The following FAM110C variants were observed in gnomAD, a reference collection of about 807,000 sequenced individuals.
FAM110C encodes protein FAM110C.
Under a neutral mutation model 15.7 loss-of-function variants are expected in FAM110C, and 19 were observed. The ratio of observed to expected loss-of-function variants is 1.21; its 90% CI spans 0.85 to 1.78. The LOEUF (loss-of-function observed/expected upper bound fraction) is 1.78. FAM110C is among the 40% of genes most tolerant of loss of function. The pLI, the probability that FAM110C is intolerant of heterozygous loss-of-function variation, is 0.00. For synonymous variants in FAM110C, 275 were observed against 233.9 expected (o/e 1.18, Z -1.61); for missense variants, 547 against 495.7 (o/e 1.10, Z -0.98).
In FAM110C at chr2:46,307, C is replaced by T. The variant is rs1199907164; in HGVS notation, c.79G>A (p.Asp27Asn). 6.8e-6 allele frequency: 9 copies of T among 1,328,484 alleles called. No individual in the cohort carries two copies. In the African/African-American group the frequency reaches 1.2e-4, roughly 18 times the overall value. 82.3% of individuals were successfully genotyped at this position (1,328,484 alleles called of 1,614,324 possible). Reference sequence around the variant, plus strand: ...CTCCTGCGCGCCGGCCGCGCGGCGTCGGGGTCCCGGGTAGCCGCGGGGTCC... The same window carrying T: ...CTCCTGCGCGCCGGCCGCGCGGCGTTGGGGTCCCGGGTAGCCGCGGGGTCC... ...PRDPAATRDPDAARPARRSAV... is the reference protein window; with the variant it reads ...PRDPAATRDPNAARPARRSAV... Residue 27 changes from aspartate (D) to asparagine (N), a missense_variant, in exon 1 of 2, where the codon GAC (aspartate) becomes AAC (asparagine). Asp to Asn is a conservative substitution (Grantham distance 23). Transcript: ENST00000327669.
chr2:42,324 A>AT (rs1664148582), intron 1 of FAM110C: 1 of 985,378 alleles, frequency 1.0e-6, no homozygotes, highest in Non-Finnish European at 1.2e-6. Context: ...TTGTCCGAAC[A>AT]TTTTTGCCTT....
Position 46,044 on chromosome 2 carries a change from G to T in FAM110C, c.342C>A (p.Gly114=). 6.6e-7 allele frequency: 1 copy of T among 1,516,596 alleles called. No homozygotes were observed. Among genetic ancestry groups the T allele is most frequent in the Non-Finnish European group, 8.8e-7 (1 of 1,138,428 alleles). 93.9% of individuals were successfully genotyped at this position (1,516,596 alleles called of 1,614,324 possible). Residue 114 remains glycine, a synonymous_variant, in exon 1 of 2, where the codon GGC becomes GGA. Coordinates refer to ENST00000327669, the MANE Select transcript of FAM110C (RefSeq NM_001077710.3). The part of the protein sequence containing the change: ...RQKCEFVRGS[G]ADGPRASLVK... ...CCAGGCTTGCCCTGGGGCCGTCGGC[G>T]CCCGATCCTCGCACGAATTCGCATT...
Position 45,720 on chromosome 2 carries a change from G to A in FAM110C, c.666C>T (p.Cys222=), listed in dbSNP as rs1265612845. 4 of 1,600,610 alleles carry A rather than the reference G, an allele frequency of 2.5e-6. No individual in the cohort carries two copies. Among genetic ancestry groups the A allele is most frequent in the African/African-American group, 1.3e-5 (1 of 74,752 alleles). The change falls in exon 1 of 2, where the codon TGC becomes TGT. Residue 222 remains cysteine (C), a synonymous_variant. Coordinates refer to ENST00000327669, the MANE Select transcript of FAM110C (RefSeq NM_001077710.3). ...LAESDTFFQY[C]GLDPEVVEAL... The stretch of plus-strand genomic sequence containing the variant: ...CCTCCACCACCTCGGGGTCCAGGCC[G>A]CAGTACTGGAAGAAGGTGTCAGACT...
In FAM110C at chr2:40,706, A is replaced by G. The variant is rs1197097854; in HGVS notation, c.*902T>C. On this transcript the variant is annotated 3_prime_UTR_variant, in exon 2 of 2. Coordinates refer to ENST00000327669, the MANE Select transcript of FAM110C (RefSeq NM_001077710.3). ...GGGCAGGGAAGAGGTCCTGCCTCAG[A>G]TGCCCGTGTTCTGTGTAAACCAAAG... 6.6e-6 allele frequency: 1 copy of G among 152,224 alleles called. No individual in the cohort carries two copies. The highest frequency in any genetic ancestry group is 6.5e-5 in the Admixed American group (1 of 15,274). 9.4% of individuals were successfully genotyped at this position (152,224 alleles called of 1,614,324 possible).
Position 46,484 on chromosome 2 carries a change from G to GTTCCCCACCC in FAM110C, c.-100_-99insGGGTGGGGAA. 7.1e-6 allele frequency: 7 copies of GTTCCCCACCC among 991,146 alleles called. No homozygotes were observed. The highest frequency in any genetic ancestry group is 9.1e-6 in the Non-Finnish European group (7 of 765,128). 61.4% of individuals were successfully genotyped at this position (991,146 alleles called of 1,614,324 possible). ...CAGGGCCGGTTCCGAAGTCCGCGCC[G>GTTCCCCACCC]GGTGGGGAACGGCGCCCCAGTGCCC... is the stretch of plus-strand genomic sequence containing the variant. On this transcript the variant is annotated 5_prime_UTR_variant, in exon 1 of 2. Coordinates refer to ENST00000327669, the MANE Select transcript of FAM110C (RefSeq NM_001077710.3).
chr2:44,975 C>T (rs2103272111), intron 1 of FAM110C: 1 of 985,332 alleles, frequency 1.0e-6, no homozygotes, highest in Non-Finnish European at 1.2e-6. Context: ...CAGCGCCTAC[C>T]TAGGGCTGCA....
At chr2:43,330 A>G (rs1182695618) in intron 1 of FAM110C, 18 of 985,412 alleles carry the variant, frequency 1.8e-5, no homozygotes, top group Non-Finnish European at 2.2e-5. Context: ...TTCTCAGAAG[A>G]CAGTTGCCAT....
chr2:43,238 G>A, intron 1 of FAM110C: 1 of 985,434 alleles, frequency 1.0e-6, no homozygotes, highest in Non-Finnish European at 1.2e-6. Flanking sequence ...AATCTTTATA[G>A]TGCTGGTGAC....
rs4241318 is a variant in FAM110C at position 45,895 on chromosome 2, A to G, written c.491T>C (p.Ile164Thr). Residue 164 changes from isoleucine to threonine, a missense_variant, in exon 1 of 2, where the codon ATC becomes ACC. Ile to Thr is a moderately conservative substitution (Grantham distance 89, BLOSUM62 -1). Coordinates refer to ENST00000327669, the MANE Select transcript of FAM110C (RefSeq NM_001077710.3). ...CGCGGCTGGGGCTGGGGTCTCGGGG[A>G]TTGCGGGGTCCGCCGCGGGGCCAGG... is the stretch of plus-strand genomic sequence containing the variant. ...TTPGPAADPAIPETPAPAARS... is the reference protein window; with the variant it reads ...TTPGPAADPATPETPAPAARS... 1,413,396 of 1,419,734 alleles carry G rather than the reference A, an allele frequency of 1. 703,549 individuals are homozygous for G. Among genetic ancestry groups the G allele is most frequent in the East Asian group, 1 (35,782 of 35,782 alleles). The allele number at this position is 1,419,734 out of a possible 1,614,324, so 87.9% of individuals were successfully genotyped here. A position where few individuals can be genotyped will look rare whatever the true frequency, so the allele number is the denominator to read the frequency against.
chr2:46,133 C>T lies in FAM110C; in HGVS notation c.253G>A (p.Val85Met). The T allele has an allele frequency of 1.5e-5, 21 of 1,439,078 alleles. No individual in the cohort carries two copies. The highest frequency in any genetic ancestry group is 1.9e-5 in the Non-Finnish European group (21 of 1,102,708). 89.1% of individuals were successfully genotyped at this position (1,439,078 alleles called of 1,614,324 possible). A position where few individuals can be genotyped will look rare whatever the true frequency, so the allele number is the denominator to read the frequency against. The part of the protein sequence containing the change: ...PGPPARAPAP[V>M]ARRAIARKPL... Reference sequence around the variant, plus strand: ...TTCCGCGCAATAGCCCTGCGCGCCACCGGGGCCGGGGCGCGGGCCGGGGGC... The same window carrying T: ...TTCCGCGCAATAGCCCTGCGCGCCATCGGGGCCGGGGCGCGGGCCGGGGGC... The change falls in exon 1 of 2, where the codon GTG (valine) becomes ATG (methionine). Residue 85 changes from valine to methionine, a missense_variant. Val to Met is a conservative substitution (Grantham distance 21, BLOSUM62 1). Transcript: ENST00000327669.
In FAM110C at chr2:45,910, G is replaced by T. The variant is rs1258293180; in HGVS notation, c.476C>A (p.Ala159Glu). The T allele has an allele frequency of 4.2e-6, 6 of 1,419,888 alleles. No individual in the cohort carries two copies. Among genetic ancestry groups the T allele is most frequent in the Non-Finnish European group, 5.4e-6 (6 of 1,101,690 alleles). 88.0% of individuals were successfully genotyped at this position (1,419,888 alleles called of 1,614,324 possible). A position where few individuals can be genotyped will look rare whatever the true frequency, so the allele number is the denominator to read the frequency against. The stretch of plus-strand genomic sequence containing the variant: ...GGTCTCGGGGATTGCGGGGTCCGCC[G>T]CGGGGCCAGGAGTGGTCGGGACCGT... ...PETVPTTPGP[A>E]ADPAIPETPA... is the part of the protein sequence containing the mutation. Residue 159 changes from alanine (A) to glutamate (E), a missense_variant, in exon 1 of 2, where the codon GCG (alanine) becomes GAG (glutamate). Transcript: ENST00000327669.
intron 1 of FAM110C, chr2:42,895 T>C: frequency 2.0e-6 from 2 of 985,464 alleles, no homozygotes; most frequent in Non-Finnish European, 2.4e-6. Flanking sequence ...CAGCTTAAAT[T>C]CCTGCTTCCA....
chr2:45,554 C>T lies in FAM110C; in HGVS notation c.832G>A (p.Glu278Lys). The change falls in exon 1 of 2, where the codon GAG becomes AAG. Residue 278 changes from glutamate to lysine, a missense_variant. By Grantham distance (56) the Glu-to-Lys change is moderately conservative. Transcript: ENST00000327669. ...DEGLQEEELI[E>K]QVPSTTSVIE... is the part of the protein sequence containing the mutation. ...ACCGAAGTGGTGCTGGGCACCTGCT[C>T]TATCAGCTCCTCCTCCTGCAGCCCC... The T allele has an allele frequency of 1.9e-6, 3 of 1,613,996 alleles. No individual in the cohort carries two copies. Among genetic ancestry groups the T allele is most frequent in the Non-Finnish European group, 1.7e-6 (2 of 1,180,010 alleles).
intron 1 of FAM110C, chr2:42,740 A>T: frequency 1.4e-6 from 1 of 700,348 alleles, no homozygotes; most frequent in African/African-American, 1.9e-5. Flanking sequence ...ATAAGTTGTA[A>T]ATCTCTATCT....
chr2:43,202 G>A (rs1047152167), intron 1 of FAM110C: 4 of 985,366 alleles, frequency 4.1e-6, no homozygotes, highest in Admixed American at 6.1e-5. Context: ...GCTGTTTTGG[G>A]TCTAGGGAAG....
At chr2:43,641 G>C in intron 1 of FAM110C, 1 of 985,292 alleles carries the variant, frequency 1.0e-6, no homozygotes, top group Non-Finnish European at 1.2e-6. Flanking sequence ...AACCAGCCTG[G>C]GTCTGGAGGG....
rs1475473554 is a variant in FAM110C at position 45,629 on chromosome 2, C to T, written c.757G>A (p.Val253Ile). The T allele has an allele frequency of 6.2e-7, 1 of 1,612,932 alleles. No individual in the cohort carries two copies. Among genetic ancestry groups the T allele is most frequent in the Non-Finnish European group, 8.5e-7 (1 of 1,179,718 alleles). Reference sequence around the variant, plus strand: ...GAGAAGCCGCTGCCGGAGGTGGCGACGCTCACGCTGCGCACCTTGAGGGTC... The same window carrying T: ...GAGAAGCCGCTGCCGGAGGTGGCGATGCTCACGCTGCGCACCTTGAGGGTC... ...CVTLKVRSVS[V>I]ATSGSGFSRH... Residue 253 changes from valine (V) to isoleucine (I), a missense_variant, in exon 1 of 2, where the codon GTC becomes ATC. Physicochemically the swap from Val to Ile is conservative, Grantham distance 29. Transcript: ENST00000327669.
Position 45,971 on chromosome 2 carries a change from G to A in FAM110C, c.415C>T (p.Arg139Trp). The stretch of plus-strand genomic sequence containing the variant: ...CCGGCCTTGCCCTCGTCTCCCGTCC[G>A]GGGCACCGGCGCCTTGTCCTTACCC... ...GPGKDKAPVPRTGDEGKAGNP... is the reference protein window; with the variant it reads ...GPGKDKAPVPWTGDEGKAGNP... Residue 139 changes from arginine (R) to tryptophan (W), a missense_variant, in exon 1 of 2, where the codon CGG becomes TGG. Transcript: ENST00000327669. The A allele has an allele frequency of 2.8e-6, 4 of 1,450,980 alleles. No individual in the cohort carries two copies. The highest frequency in any genetic ancestry group is 3.6e-6 in the Non-Finnish European group (4 of 1,107,730). The allele number at this position is 1,450,980 out of a possible 1,614,324, so 89.9% of individuals were successfully genotyped here.
chr2:45,487 C>G lies in FAM110C; in HGVS notation c.899G>C (p.Cys300Ser). The G allele has an allele frequency of 6.2e-7, 1 of 1,614,098 alleles. No individual in the cohort carries two copies. Among genetic ancestry groups the G allele is most frequent in the East Asian group, 2.2e-5 (1 of 44,878 alleles). ...GCTGGGGGTCTCCTTGGCCTTCTTA[C>G]AGGTGTACAGCCACTTGATGATGCG... ...NARIIKWLYTCKKAKETPSQE... is the reference protein window; with the variant it reads ...NARIIKWLYTSKKAKETPSQE... Residue 300 changes from cysteine (C) to serine (S), a missense_variant, in exon 1 of 2, where the codon TGT becomes TCT. Cys to Ser is a moderately radical substitution (Grantham distance 112, BLOSUM62 -1). Transcript: ENST00000327669.
Sources: allele counts gnomAD v4.1 joint callset, GRCh38; gene constraint gnomAD v4.1.1; transcripts MANE v1.5; gene names NCBI Gene and HGNC (gene_info 2026-07-23, HGNC 2026-07-21).